Variants in NR6A1 observed in about 807,000 individuals in gnomAD.
NR6A1 encodes nuclear receptor subfamily 6 group A member 1.
In NR6A1, 7 loss-of-function variants were observed where a neutral mutation model predicts 59.1. That is an observed-to-expected ratio of 0.12 (90% CI 0.07 to 0.22). The LOEUF (loss-of-function observed/expected upper bound fraction) is 0.22. NR6A1 is among the 10% of genes least tolerant of loss of function. The pLI is 1.00. For synonymous variants in NR6A1, 243 were observed against 236.1 expected (o/e 1.03, Z -0.27); for missense variants, 468 against 611.6 (o/e 0.77, Z 2.48).
Position 124,543,876 on chromosome 9 carries a change from C to T in NR6A1, c.386-19G>A. 6.2e-7 allele frequency: 1 copy of T among 1,611,858 alleles called. No individual in the cohort carries two copies. Among genetic ancestry groups the T allele is most frequent in the African/African-American group, 1.3e-5 (1 of 74,966 alleles). ...CTGATAGCTGGAAGGAAAGATAAGT[C>T]AAGAAAGGCAGTCAGAAGCACACTC... On this transcript the variant is annotated intron_variant, in intron 3 of 9. Transcript: ENST00000487099.
chr9:124,541,488 AAAACAAAC>A (rs527585729), intron 4 of NR6A1, among the ~76,000 whole-genome samples: 2 of 151,930 alleles, frequency 1.3e-5, no homozygotes, highest in African/African-American at 2.4e-5. Flanking sequence ...AAAAAACCCC[AAAACAAAC>A]AAACAAACAA....
At chr9:124,738,248 T>C (rs1840069286) in intron 1 of NR6A1, among the ~76,000 whole-genome samples, 1 of 152,116 alleles carries the variant, frequency 6.6e-6, no homozygotes, top group African/African-American at 2.4e-5. Flanking sequence ...AGCAAGACTC[T>C]GTCTCAAAAC....
chr9:124,572,769 G>A (rs1834475511), intron 2 of NR6A1, among the ~76,000 whole-genome samples: 1 of 152,184 alleles, frequency 6.6e-6, no homozygotes. Context: ...ACAAACTGGA[G>A]CTCTAAGAAG....
intron 2 of NR6A1, among the ~76,000 whole-genome samples, chr9:124,681,475 G>A (rs1042298082): frequency 6.6e-6 from 1 of 151,394 alleles, no homozygotes; most frequent in Non-Finnish European, 1.5e-5. Flanking sequence ...CTGAGTAGCT[G>A]GGACTACAGG....
intron 2 of NR6A1, among the ~76,000 whole-genome samples, chr9:124,659,140 G>A (rs1243440732): frequency 2.0e-5 from 3 of 152,166 alleles, no homozygotes; most frequent in Non-Finnish European, 2.9e-5. Context: ...CACTTGTGCC[G>A]CCTGGGGCGG....
chr9:124,762,576 A>C (rs1840811907), intron 1 of NR6A1, among the ~76,000 whole-genome samples: 2 of 152,180 alleles, frequency 1.3e-5, no homozygotes, highest in Non-Finnish European at 2.9e-5. Context: ...TTGATACTAC[A>C]CCAAAACTCA....
chr9:124,666,022 A>C (rs751542921), intron 2 of NR6A1, among the ~76,000 whole-genome samples: 1 of 152,208 alleles, frequency 6.6e-6, no homozygotes, highest in Non-Finnish European at 1.5e-5. Flanking sequence ...CAAAAGTTCC[A>C]ATTAAGAAAT....
intron 2 of NR6A1, among the ~76,000 whole-genome samples, chr9:124,728,161 G>A (rs1360165997): frequency 6.6e-6 from 1 of 150,928 alleles, no homozygotes; most frequent in African/African-American, 2.4e-5. Flanking sequence ...CGAGTATCTG[G>A]GACTACAGGT....
chr9:124,693,385 A>C (rs1188211264), intron 2 of NR6A1, among the ~76,000 whole-genome samples: 1 of 152,196 alleles, frequency 6.6e-6, no homozygotes, highest in Admixed American at 6.5e-5. Flanking sequence ...AAAAGCACTC[A>C]TACTTCTCAG....
chr9:124,576,186 T>C (rs1047162110), intron 2 of NR6A1, among the ~76,000 whole-genome samples: 1 of 152,254 alleles, frequency 6.6e-6, no homozygotes, highest in Non-Finnish European at 1.5e-5. Flanking sequence ...ATTTACTTAC[T>C]GAGCTTTTAC....
At chr9:124,738,525 G>A (rs1473919748) in intron 1 of NR6A1, among the ~76,000 whole-genome samples, 1 of 152,070 alleles carries the variant, frequency 6.6e-6, no homozygotes, top group Non-Finnish European at 1.5e-5. Context: ...TACTGCAAAG[G>A]TTATATTCAC....
intron 4 of NR6A1, 97 bp downstream of exon 4, chr9:124,543,705 T>C: frequency 1.1e-6 from 1 of 882,234 alleles, no homozygotes; most frequent in Non-Finnish European, 1.7e-6. Flanking sequence ...ATGGCTCTCC[T>C]CAGCAGCAGA....
chr9:124,741,767 G>T (rs1040378834), intron 1 of NR6A1, among the ~76,000 whole-genome samples: 2 of 152,222 alleles, frequency 1.3e-5, no homozygotes, highest in African/African-American at 4.8e-5. Context: ...ATAGGTTTGA[G>T]TCCTGGCACC....
chr9:124,766,015 C>T (rs564590015), intron 1 of NR6A1, among the ~76,000 whole-genome samples: 1 of 152,222 alleles, frequency 6.6e-6, no homozygotes, highest in South Asian at 2.1e-4. Context: ...TGTTGGAAAA[C>T]AATCAATGAA....
chr9:124,734,564 T>C (rs1001485896), intron 1 of NR6A1, among the ~76,000 whole-genome samples: 2 of 152,064 alleles, frequency 1.3e-5, no homozygotes, highest in African/African-American at 2.4e-5. Context: ...ATGATGGTGC[T>C]TGGCTGCAAT....
chr9:124,572,586 C>T (rs1834469794), intron 2 of NR6A1, among the ~76,000 whole-genome samples: 1 of 152,176 alleles, frequency 6.6e-6, no homozygotes, highest in African/African-American at 2.4e-5. Flanking sequence ...TTGCCCTTTT[C>T]GACTCCACAG....
At chr9:124,668,741 A>G (rs1837701964) in intron 2 of NR6A1, among the ~76,000 whole-genome samples, 1 of 152,186 alleles carries the variant, frequency 6.6e-6, no homozygotes, top group African/African-American at 2.4e-5. Context: ...TATTAATTCA[A>G]TGAACACACT....
intron 2 of NR6A1, among the ~76,000 whole-genome samples, chr9:124,672,886 T>C (rs905655729): frequency 3.9e-5 from 6 of 152,040 alleles, no homozygotes; most frequent in Admixed American, 3.9e-4. Flanking sequence ...ACCAATTGGT[T>C]GGAGAGAAAG....
At chr9:124,688,087 C>G (rs995255473) in intron 2 of NR6A1, among the ~76,000 whole-genome samples, 1 of 152,100 alleles carries the variant, frequency 6.6e-6, no homozygotes, top group Non-Finnish European at 1.5e-5. Context: ...TTTGGGAGGC[C>G]TAGGTGGGAG....
Sources: allele counts gnomAD v4.1 joint callset (sites outside exome capture counted in the v4.1 genomes callset), GRCh38; gene constraint gnomAD v4.1.1; transcripts MANE v1.5; gene names NCBI Gene and HGNC (gene_info 2026-07-23, HGNC 2026-07-21).